Variants in GRAMD1B observed in about 807,000 individuals in gnomAD.
The protein encoded by GRAMD1B is GRAM domain containing 1B, also known as protein Aster-B.
Under a neutral mutation model 99.7 loss-of-function variants are expected in GRAMD1B, and 37 were observed. That is an observed-to-expected ratio of 0.37 (90% CI 0.29 to 0.49). The LOEUF (loss-of-function observed/expected upper bound fraction) is 0.49. GRAMD1B is among the 20% of genes least tolerant of loss of function. The pLI is 0.98. For missense variants in GRAMD1B, 888 were observed against 1,009.2 expected (o/e 0.88, Z 1.63); for synonymous variants, 427 against 387.6 (o/e 1.10, Z -1.19).
chr11:123,446,169 T>A (rs913670134), intron 1 of GRAMD1B, among the ~76,000 whole-genome samples: 18 of 152,106 alleles, frequency 1.2e-4, no homozygotes, highest in African/African-American at 4.3e-4. Flanking sequence ...AGACTTCTTT[T>A]ATTATTATTT....
chr11:123,618,236 A>C, intron 17 of GRAMD1B: 1 of 858,180 alleles, frequency 1.2e-6, no homozygotes, highest in Non-Finnish European at 2.0e-6. Context: ...TTTTTCTCAT[A>C]TACTCTCACT....
chr11:123,425,628 C>T (rs901038015), upstream of GRAMD1B, among the ~76,000 whole-genome samples: 30 of 152,198 alleles, frequency 2.0e-4, no homozygotes, highest in African/African-American at 7.0e-4. Context: ...CTGTGTACTC[C>T]CCAAGGTTGA....
At chr11:123,583,243 G>A (rs1949618756) in intron 3 of GRAMD1B, among the ~76,000 whole-genome samples, 1 of 149,816 alleles carries the variant, frequency 6.7e-6, no homozygotes, top group Non-Finnish European at 1.5e-5. Context: ...GTGCATGTCT[G>A]TGTGAATGTG....
Position 123,577,359 on chromosome 11 carries a change from C to T in GRAMD1B, c.453-8C>T, listed in dbSNP as rs747833169. ...CACCCCGCTCCCTCTCTCCATCTGC[C>T]GCTGCAGCACTGCCAGTAACTCCAA... is the stretch of plus-strand genomic sequence containing the variant. On this transcript the variant is annotated splice_polypyrimidine_tract_variant and splice_region_variant and intron_variant, in intron 2 of 19. Transcript: ENST00000635736. 14 of 1,571,506 alleles carry T rather than the reference C, an allele frequency of 8.9e-6. No homozygotes were observed. In the East Asian group the frequency reaches 2.8e-4, roughly 32 times the overall value.
At chr11:123,432,155 C>G (rs1007861866) in intron 1 of GRAMD1B, 8 of 398,054 alleles carry the variant, frequency 2.0e-5, no homozygotes, top group African/African-American at 1.4e-4. Flanking sequence ...TTTCTGTGAG[C>G]TCAGTCTAGT....
chr11:123,546,603 G>A (rs1198877225), intron 2 of GRAMD1B, among the ~76,000 whole-genome samples: 1 of 152,206 alleles, frequency 6.6e-6, no homozygotes, highest in East Asian at 1.9e-4. Context: ...TGAGGTCTGG[G>A]AGTAATCAAG....
rs1400240037 is a variant in GRAMD1B at position 123,624,779 on chromosome 11, G to C, written c.*2184G>C. ...TCCTTAAGTTATTTAATTATTAAAGGTGCCACGGTGGGACCTTTGGGATGA... is the reference window on the plus strand; with the variant it reads ...TCCTTAAGTTATTTAATTATTAAAGCTGCCACGGTGGGACCTTTGGGATGA... On this transcript the variant is annotated 3_prime_UTR_variant, in exon 20 of 20. Coordinates refer to ENST00000635736, the MANE Select transcript of GRAMD1B (RefSeq NM_001387025.1). 6.6e-6 allele frequency: 1 copy of C among 152,130 alleles called. No homozygotes were observed. Among genetic ancestry groups the C allele is most frequent in the Non-Finnish European group, 1.5e-5 (1 of 68,034 alleles). The allele number at this position is 152,130 out of a possible 1,614,324, so 9.4% of individuals were successfully genotyped here.
intron 1 of GRAMD1B, among the ~76,000 whole-genome samples, chr11:123,467,887 T>C (rs1950782431): frequency 6.7e-6 from 1 of 149,036 alleles, no homozygotes; most frequent in Non-Finnish European, 1.5e-5. Context: ...TTGTTTTTGA[T>C]GGAGTCTCGT....
At chr11:123,445,535 GC>G (rs1326156905) in intron 1 of GRAMD1B, among the ~76,000 whole-genome samples, 1 of 152,030 alleles carries the variant, frequency 6.6e-6, no homozygotes, top group Admixed American at 6.6e-5. Context: ...AGACTCTGGG[GC>G]CTGGCGCAGT....
intron 8 of GRAMD1B, among the ~76,000 whole-genome samples, chr11:123,603,103 G>A (rs7935907): frequency 0.03 from 4,601 of 152,304 alleles, 210 homozygotes; most frequent in African/African-American, 0.1. Context: ...ATGCCACTCA[G>A]TGCTGGACCT....
rs1955274140 is a variant in GRAMD1B, at chr11:123,622,659, TATATATATAA to T, written c.*74_*83del. On this transcript the variant is annotated 3_prime_UTR_variant, in exon 20 of 20. Coordinates refer to ENST00000635736, the MANE Select transcript of GRAMD1B (RefSeq NM_001387025.1). ...TACATGTACATAGACCATATAAATA[TATATATATAA>T]ATATATATATATACAGAATATAAAT... The T allele has an allele frequency of 1.0e-5, 4 of 398,576 alleles. No individual in the cohort carries two copies. The Admixed American group carries it at 1.2e-4, about 12-fold the overall frequency. The allele number at this position is 398,576 out of a possible 1,614,324, so 24.7% of individuals were successfully genotyped here.
chr11:123,369,898 GAAA>G (rs1036013475), intron 1 of GRAMD1B, among the ~76,000 whole-genome samples: 1 of 146,268 alleles, frequency 6.8e-6, no homozygotes, highest in African/African-American at 2.5e-5. Flanking sequence ...AAAGGAAAAA[GAAA>G]AAAAAAATCT....
At chr11:123,512,559 A>G (rs1266070617) in intron 2 of GRAMD1B, among the ~76,000 whole-genome samples, 1 of 152,166 alleles carries the variant, frequency 6.6e-6, no homozygotes, top group Non-Finnish European at 1.5e-5. Flanking sequence ...TTCTACAAAA[A>G]ATGAAAAATT....
At chr11:123,560,737 T>C (rs963890553) in intron 2 of GRAMD1B, 2 of 427,950 alleles carry the variant, frequency 4.7e-6, no homozygotes, top group Non-Finnish European at 9.3e-6. Context: ...TGTGTGTGTA[T>C]CTTTGTTTCC....
At chr11:123,488,713 T>C (rs1020936126) in intron 2 of GRAMD1B, among the ~76,000 whole-genome samples, 1 of 147,092 alleles carries the variant, frequency 6.8e-6, no homozygotes, top group Non-Finnish European at 1.5e-5. Context: ...ACTGAAAGCT[T>C]TGGCCCTCCT....
chr11:123,455,210 G>C (rs914493001), intron 1 of GRAMD1B, among the ~76,000 whole-genome samples: 1 of 152,140 alleles, frequency 6.6e-6, no homozygotes, highest in Non-Finnish European at 1.5e-5. Flanking sequence ...TATAATCTTT[G>C]TGTCTATTAT....
intron 2 of GRAMD1B, among the ~76,000 whole-genome samples, chr11:123,565,379 C>A (rs904000766): frequency 6.6e-6 from 1 of 152,122 alleles, no homozygotes; most frequent in African/African-American, 2.4e-5. Context: ...TACTGTGTGC[C>A]CAATATCACA....
At chr11:123,612,401 A>G (rs1415101432) in intron 14 of GRAMD1B, among the ~76,000 whole-genome samples, 1 of 152,188 alleles carries the variant, frequency 6.6e-6, no homozygotes, top group African/African-American at 2.4e-5. Context: ...TCAGTTTCTC[A>G]AAAGACTTGA....
chr11:123,479,420 G>A (rs1218010156), intron 1 of GRAMD1B, among the ~76,000 whole-genome samples: 2 of 152,182 alleles, frequency 1.3e-5, no homozygotes, highest in Non-Finnish European at 2.9e-5. Flanking sequence ...TGGGCATCTA[G>A]GCTAAGGAAT....
Sources: allele counts gnomAD v4.1 joint callset (sites outside exome capture counted in the v4.1 genomes callset), GRCh38; gene constraint gnomAD v4.1.1; transcripts MANE v1.5; gene names NCBI Gene and HGNC (gene_info 2026-07-23, HGNC 2026-07-21).